DEFB114: variants seen among roughly 807,000 people sequenced by gnomAD.
The protein encoded by DEFB114 is beta-defensin 114.
A neutral mutation model predicts 2.4 loss-of-function variants in DEFB114; 4 were observed. The ratio of observed to expected loss-of-function variants is 1.67; its 90% CI spans 0.82 to 3.82. DEFB114 has a LOEUF of 3.82. Ranked by LOEUF, DEFB114 falls within the 30% of genes most tolerant of loss-of-function variation. The pLI is 0.01. For synonymous variants in DEFB114, 35 were observed against 24.6 expected (o/e 1.42, Z -1.26); for missense variants, 113 against 85.8 (o/e 1.32, Z -1.25).
intron 1 of DEFB114, 72 bp from the exon 2 acceptor site, chr6:49,960,518 T>C (rs1474542246): frequency 6.8e-7 from 1 of 1,467,612 alleles, no homozygotes; most frequent in Non-Finnish European, 9.1e-7. Flanking sequence ...TTTCATAGAG[T>C]ATGATGTGTA....
intron 1 of DEFB114, among the ~76,000 whole-genome samples, chr6:49,961,947 C>T (rs1340708721): frequency 6.6e-6 from 1 of 150,780 alleles, no homozygotes; most frequent in Non-Finnish European, 1.5e-5. Flanking sequence ...TTTTGTATAA[C>T]TATAATTCTT....
chr6:49,961,270 A>G (rs933431027), intron 1 of DEFB114, among the ~76,000 whole-genome samples: 23 of 150,722 alleles, frequency 1.5e-4, no homozygotes, highest in Middle Eastern at 3.3e-3. Context: ...GTATTATTCT[A>G]ACTTCAAAAT....
In DEFB114 at chr6:49,960,354, A is replaced by G; in HGVS notation, c.148T>C (p.Cys50Arg). 3 of 1,608,464 alleles carry G rather than the reference A, an allele frequency of 1.9e-6. No homozygotes were observed. Among genetic ancestry groups the G allele is most frequent in the South Asian group, 1.1e-5 (1 of 90,792 alleles). The change falls in exon 2 of 2, where the codon TGT (cysteine) becomes CGT (arginine). Residue 50 changes from cysteine to arginine, a missense_variant. Transcript: ENST00000322066. ...CLESEKQIDICSLPRKICCTE... is the reference protein window; with the variant it reads ...CLESEKQIDIRSLPRKICCTE... ...CAGCAAATTTTTCTTGGTAAGGAAC[A>G]TATGTCTATTTGCTTTTCACTCTCA...
intron 1 of DEFB114, among the ~76,000 whole-genome samples, chr6:49,960,775 A>G (rs9369928): frequency 0.52 from 77,401 of 150,168 alleles, 20,053 homozygotes; most frequent in Middle Eastern, 0.61. Flanking sequence ...AGCTGTTTTC[A>G]GACAATCATA....
intron 1 of DEFB114, among the ~76,000 whole-genome samples, chr6:49,962,796 G>A (rs1026478894): frequency 1.3e-5 from 2 of 150,118 alleles, no homozygotes; most frequent in Non-Finnish European, 3.0e-5. Context: ...GCTATGCAAT[G>A]GAACCAGCCC....
intron 1 of DEFB114, among the ~76,000 whole-genome samples, chr6:49,963,349 ATT>A (rs1773492620): frequency 6.7e-6 from 1 of 150,130 alleles, no homozygotes; most frequent in Non-Finnish European, 1.5e-5. Context: ...TCAAAGCTTT[ATT>A]AATTTTGTTA....
At chr6:49,963,101 C>A (rs942437883) in intron 1 of DEFB114, among the ~76,000 whole-genome samples, 4 of 150,186 alleles carry the variant, frequency 2.7e-5, no homozygotes, top group African/African-American at 9.7e-5. Flanking sequence ...ACCAATTATA[C>A]ACAAACTTTT....
rs576533596 is a variant in DEFB114 at position 49,961,354 on chromosome 6, A to G, written c.56-908T>C. Among the ~76,000 whole-genome samples, 6 of 150,648 alleles carry G rather than the reference A, an allele frequency of 4.0e-5. No individual in the cohort carries two copies. In the South Asian group the frequency reaches 1.2e-3, roughly 31 times the overall value. ...GTATTTTTCTCTTTATATCAACTGT[A>G]CTTGTCAGATATGTAGCTAACTTCA... is the stretch of plus-strand genomic sequence containing the variant. On this transcript the variant is annotated intron_variant, in intron 1 of 1. Coordinates refer to ENST00000322066, the MANE Select transcript of DEFB114 (RefSeq NM_001037499.2).
At chr6:49,961,130 T>A (rs1480949987) in intron 1 of DEFB114, among the ~76,000 whole-genome samples, 3 of 150,744 alleles carry the variant, frequency 2.0e-5, no homozygotes, top group Non-Finnish European at 4.5e-5. Context: ...AGTTGTTGTT[T>A]TTTATATTGT....
chr6:49,960,711 C>CA (rs201701965), intron 1 of DEFB114, among the ~76,000 whole-genome samples: 2 of 149,276 alleles, frequency 1.3e-5, no homozygotes, highest in Non-Finnish European at 3.0e-5. Flanking sequence ...ATATTATTCT[C>CA]AAAAAAAAAT....
At chr6:49,962,506 C>T (rs1330234621) in intron 1 of DEFB114, among the ~76,000 whole-genome samples, 1 of 150,178 alleles carries the variant, frequency 6.7e-6, no homozygotes, top group African/African-American at 2.4e-5. Flanking sequence ...CTTTTATATG[C>T]TAAATGTATT....
At chr6:49,961,678 G>A (rs1773463108) in intron 1 of DEFB114, among the ~76,000 whole-genome samples, 1 of 150,636 alleles carries the variant, frequency 6.6e-6, no homozygotes, top group African/African-American at 2.4e-5. Flanking sequence ...AAAAATAAAT[G>A]CTCAGCTAAG....
At chr6:49,962,652 G>T (rs745736368) in intron 1 of DEFB114, among the ~76,000 whole-genome samples, 20 of 150,082 alleles carry the variant, frequency 1.3e-4, no homozygotes, top group African/African-American at 4.9e-4. Context: ...TGTTAAAATT[G>T]TTAGTAAATT....
At chr6:49,964,023 A>T in intron 1 of DEFB114, 28 bp downstream of exon 1, 3 of 1,504,924 alleles carry the variant, frequency 2.0e-6, no homozygotes, top group African/African-American at 2.8e-5. Context: ...GAAGTTTTAC[A>T]CAAATATAAC....
intron 1 of DEFB114, among the ~76,000 whole-genome samples, chr6:49,961,347 C>A (rs2113911962): frequency 6.6e-6 from 1 of 150,456 alleles, no homozygotes; most frequent in South Asian, 2.1e-4. Context: ...CTCTTTATAT[C>A]AACTGTACTT....
intron 1 of DEFB114, among the ~76,000 whole-genome samples, chr6:49,961,515 A>G (rs1164928536): frequency 6.6e-6 from 1 of 150,872 alleles, no homozygotes; most frequent in Non-Finnish European, 1.5e-5. Flanking sequence ...TCAGCTATCA[A>G]TTGCATTTTA....
At chr6:49,963,811 C>T (rs939607215) in intron 1 of DEFB114, among the ~76,000 whole-genome samples, 1 of 149,288 alleles carries the variant, frequency 6.7e-6, no homozygotes, top group Non-Finnish European at 1.5e-5. Context: ...AAACTCAGTC[C>T]AAAAAAATTG....
chr6:49,963,926 T>C (rs1195866673), intron 1 of DEFB114, 125 bp downstream of exon 1: 4 of 686,954 alleles, frequency 5.8e-6, no homozygotes, highest in Non-Finnish European at 9.8e-6. Flanking sequence ...CAAGATTCAG[T>C]ATAATAAAGA....
intron 1 of DEFB114, among the ~76,000 whole-genome samples, chr6:49,961,013 A>G (rs1423157958): frequency 6.6e-6 from 1 of 150,482 alleles, no homozygotes; most frequent in African/African-American, 2.4e-5. Flanking sequence ...TGCTTTGTTG[A>G]TTATATAACT....
Sources: gnomAD v4.1 joint callset for allele counts (sites outside exome capture counted in the v4.1 genomes callset) on GRCh38, gnomAD v4.1.1 for gene constraint, MANE v1.5 for transcripts, NCBI Gene and HGNC (gene_info 2026-07-23, HGNC 2026-07-21) for gene names.